The following SULF2 variants were observed in gnomAD, a reference collection of about 807,000 sequenced individuals.
SULF2 encodes extracellular sulfatase Sulf-2.
Under a neutral mutation model 107.7 loss-of-function variants are expected in SULF2, and 52 were observed. The ratio of observed to expected loss-of-function variants is 0.48; its 90% CI spans 0.39 to 0.61. The LOEUF (loss-of-function observed/expected upper bound fraction) is 0.61. Among genes scored for constraint, SULF2 ranks in the 20% least tolerant of loss-of-function variants. The pLI is 0.00. For missense variants in SULF2, 993 were observed against 1,177.3 expected (o/e 0.84, Z 2.29); for synonymous variants, 460 against 464.3 (o/e 0.99, Z 0.12).
At chr20:47,723,789 C>T (rs1436238415) in intron 3 of SULF2, among the ~76,000 whole-genome samples, 1 of 152,214 alleles carries the variant, frequency 6.6e-6, no homozygotes, top group Non-Finnish European at 1.5e-5. Context: ...ACTGATTCTA[C>T]ATTATAGTGA....
At chr20:47,667,330 G>C (rs941219140) in intron 11 of SULF2, among the ~76,000 whole-genome samples, 1 of 152,164 alleles carries the variant, frequency 6.6e-6, no homozygotes, top group African/African-American at 2.4e-5. Flanking sequence ...ACCCAGGTGG[G>C]CCGGCAACAA....
intron 2 of SULF2, among the ~76,000 whole-genome samples, chr20:47,740,952 G>A (rs1009112855): frequency 3.9e-5 from 6 of 152,084 alleles, no homozygotes; most frequent in Non-Finnish European, 5.9e-5. Flanking sequence ...TCTTGGCTAC[G>A]GTTCCTCCCA....
chr20:47,745,404 A>T (rs1444806009), intron 2 of SULF2, among the ~76,000 whole-genome samples: 390 of 22,866 alleles, frequency 0.017, 14 homozygotes, highest in African/African-American at 0.1. Flanking sequence ...AAAAAAAAAA[A>T]AAAAAAATAT....
chr20:47,766,404 A>C (rs1289697243), intron 1 of SULF2, among the ~76,000 whole-genome samples: 2 of 152,214 alleles, frequency 1.3e-5, no homozygotes, highest in African/African-American at 4.8e-5. Flanking sequence ...TCTCAAGAAC[A>C]GGGCAGGAGA....
chr20:47,711,363 G>A (rs937116007), intron 3 of SULF2, among the ~76,000 whole-genome samples: 2 of 152,226 alleles, frequency 1.3e-5, no homozygotes, highest in Non-Finnish European at 2.9e-5. Context: ...GCAATGAAAC[G>A]ACAGTGCACC....
intron 5 of SULF2, chr20:47,684,812 C>G: frequency 2.3e-6 from 1 of 430,208 alleles, no homozygotes; most frequent in Non-Finnish European, 4.1e-6. Flanking sequence ...CTAAGAGGCA[C>G]AGCATTCAGT....
intron 18 of SULF2, among the ~76,000 whole-genome samples, chr20:47,660,240 A>G (rs552896928): frequency 6.6e-6 from 1 of 152,374 alleles, no homozygotes; most frequent in East Asian, 1.9e-4. Flanking sequence ...TAAAATGCTC[A>G]GCACAGAGCC....
chr20:47,748,306 C>T (rs777660587), intron 2 of SULF2, among the ~76,000 whole-genome samples: 7 of 152,166 alleles, frequency 4.6e-5, no homozygotes, highest in Non-Finnish European at 1.0e-4. Flanking sequence ...GCTCCTGCCT[C>T]GGGTTTCCAC....
At chr20:47,745,436 T>A (rs1230475267) in intron 2 of SULF2, among the ~76,000 whole-genome samples, 1 of 13,238 alleles carries the variant, frequency 7.6e-5, no homozygotes, top group Admixed American at 1.4e-3. Context: ...TATATATATA[T>A]ATATATATAT....
At chr20:47,708,147 C>T (rs768990748) in intron 3 of SULF2, among the ~76,000 whole-genome samples, 1 of 152,138 alleles carries the variant, frequency 6.6e-6, no homozygotes, top group South Asian at 2.1e-4. Context: ...TGCCCTCGTG[C>T]AGTTGATGTT....
At chr20:47,773,543 C>G (rs115513729) in intron 1 of SULF2, among the ~76,000 whole-genome samples, 1,645 of 152,322 alleles carry the variant, frequency 0.011, 35 homozygotes, top group African/African-American at 0.038. Flanking sequence ...CCAGCCCATG[C>G]CTTCTGGGCA....
chr20:47,721,291 A>C (rs1471065441), intron 3 of SULF2, among the ~76,000 whole-genome samples: 2 of 152,170 alleles, frequency 1.3e-5, no homozygotes, highest in Non-Finnish European at 2.9e-5. Flanking sequence ...CGCACGAAAG[A>C]GGCATCTTAT....
At chr20:47,731,565 G>T (rs1347938141) in intron 3 of SULF2, among the ~76,000 whole-genome samples, 1 of 152,092 alleles carries the variant, frequency 6.6e-6, no homozygotes, top group Non-Finnish European at 1.5e-5. Flanking sequence ...GGATCTAAAG[G>T]GAATCTATTG....
rs756321979 is a variant in SULF2, at chr20:47,666,536, G to T, written c.1577-48C>A. The T allele has an allele frequency of 1.3e-6, 2 of 1,507,068 alleles. No individual in the cohort carries two copies. The highest frequency in any genetic ancestry group is 1.8e-6 in the Non-Finnish European group (2 of 1,097,430). The allele number at this position is 1,507,068 out of a possible 1,614,324, so 93.4% of individuals were successfully genotyped here. A position where few individuals can be genotyped will look rare whatever the true frequency, so the allele number is the denominator to read the frequency against. On this transcript the variant is annotated intron_variant, in intron 11 of 20. Transcript: ENST00000688720. This position sits in a 1 kb window ranked among gnomAD's most constrained non-coding sequence, Gnocchi z 5.4. ...AGAGTTAGGGAGGCAGGAAAGGCTGGCCAGGCTCCCAGGGCAGTGGGTCCT... is the reference window on the plus strand; with the variant it reads ...AGAGTTAGGGAGGCAGGAAAGGCTGTCCAGGCTCCCAGGGCAGTGGGTCCT...
rs144436680 is a variant in SULF2 at position 47,712,148 on chromosome 20, A to T, written c.416-9478T>A. Among the ~76,000 whole-genome samples, 36 of 152,318 alleles carry T rather than the reference A, an allele frequency of 2.4e-4. No homozygotes were observed. In the East Asian group the frequency reaches 6.2e-3, roughly 26 times the overall value. On this transcript the variant is annotated intron_variant, in intron 3 of 20. Coordinates refer to ENST00000688720, the MANE Select transcript of SULF2 (RefSeq NM_001387048.1). ...CTTCTCACAGCCAACTTCCAACTGG[A>T]CTTCTGCCTCCGCAGCCTTCCCAGA...
rs371371635 is a variant in SULF2 at position 47,658,332 on chromosome 20, A to G, written c.*30T>C. 1.1e-4 allele frequency: 173 copies of G among 1,613,298 alleles called. 1 individual carries two copies. In the Middle Eastern group the frequency reaches 2.1e-3, roughly 20 times the overall value. ...GCCTGTGCAGTCAGGTGATGCCTCTATGTTTTTGGAGGTCCACCTCTGTTG... is the reference window on the plus strand; with the variant it reads ...GCCTGTGCAGTCAGGTGATGCCTCTGTGTTTTTGGAGGTCCACCTCTGTTG... On this transcript the variant is annotated 3_prime_UTR_variant, in exon 21 of 21. Transcript: ENST00000688720.
At chr20:47,740,333 T>C (rs977164984) in intron 2 of SULF2, among the ~76,000 whole-genome samples, 1 of 151,598 alleles carries the variant, frequency 6.6e-6, no homozygotes, top group African/African-American at 2.4e-5. Flanking sequence ...ACACGGGAGG[T>C]GGTAACAGTG....
Position 47,762,473 on chromosome 20 carries a change from A to C in SULF2, c.-100-5010T>G, listed in dbSNP as rs1016790864. On this transcript the variant is annotated intron_variant, in intron 1 of 20. Coordinates refer to ENST00000688720, the MANE Select transcript of SULF2 (RefSeq NM_001387048.1). ...TATTTCACCCATTTTATGGATGAAG[A>C]AGCTGAGGCACAGAGAGTTAAAATC... Among the ~76,000 whole-genome samples, 13 of 152,370 alleles carry C rather than the reference A, an allele frequency of 8.5e-5. No homozygotes were observed. In the East Asian group the frequency reaches 2.5e-3, roughly 29 times the overall value.
chr20:47,758,359 T>G lies in SULF2; in HGVS notation c.-100-896A>C, dbSNP rs527900737. Among the ~76,000 whole-genome samples the G allele has an allele frequency of 9.1e-4, 139 of 152,084 alleles. 1 individual carries two copies. The highest frequency in any genetic ancestry group is 3.2e-3 in the African/African-American group (131 of 41,486). ...TAATTTTTTGTATTTTTGGTAGAGA[T>G]GGGGTTTCACCATGTTGGCCAGGCT... On this transcript the variant is annotated intron_variant, in intron 1 of 20. Coordinates refer to ENST00000688720, the MANE Select transcript of SULF2 (RefSeq NM_001387048.1).
Sources: gnomAD v4.1 joint callset for allele counts (sites outside exome capture counted in the v4.1 genomes callset) on GRCh38, gnomAD v4.1.1 for gene constraint, Gnocchi (gnomAD v3.1) non-coding constraint, MANE v1.5 for transcripts, NCBI Gene and HGNC (gene_info 2026-07-23, HGNC 2026-07-21) for gene names.